GLI1: variants seen among roughly 807,000 people sequenced by gnomAD.
GLI1 encodes GLI family zinc finger 1, also known as transcription activator GLI1.
GLI1 carries 51 observed loss-of-function variants against 87.8 expected under a neutral mutation model. The ratio of observed to expected loss-of-function variants is 0.58; its 90% CI spans 0.46 to 0.73. The LOEUF (loss-of-function observed/expected upper bound fraction) is 0.73, where lower values mean the gene tolerates loss of function less well. GLI1 is among the 30% of genes least tolerant of loss of function. The pLI, the probability that GLI1 is intolerant of heterozygous loss-of-function variation, is 0.00. For missense variants in GLI1, 1,292 were observed against 1,437.2 expected (o/e 0.90, Z 1.63); for synonymous variants, 528 against 558.2 (o/e 0.95, Z 0.76).
chr12:57,468,481 T>TTC (rs544598411), intron 10 of GLI1, among the ~76,000 whole-genome samples: 3 of 151,488 alleles, frequency 2.0e-5, no homozygotes, highest in Non-Finnish European at 2.9e-5. Flanking sequence ...CTTTCTTTCT[T>TTC]TCTCTCTCTC....
At chr12:57,467,643 A>C (rs1871586045) in intron 9 of GLI1, 146 bp downstream of exon 9, 4 of 693,936 alleles carry the variant, frequency 5.8e-6, no homozygotes, top group Non-Finnish European at 9.6e-6. Flanking sequence ...GCTTTTCTGA[A>C]ACCCAGAATT....
chr12:57,468,092 T>C lies in GLI1; in HGVS notation c.1176T>C (p.His392=), dbSNP rs1225149370. 1.9e-6 allele frequency: 3 copies of C among 1,614,148 alleles called. No individual in the cohort carries two copies. The highest frequency in any genetic ancestry group is 1.3e-5 in the African/African-American group (1 of 75,048). Residue 392 remains histidine, a synonymous_variant, in exon 10 of 12, where the codon CAT becomes CAC. Coordinates refer to ENST00000228682, the MANE Select transcript of GLI1 (RefSeq NM_005269.3). ...HVKTVHGPDA[H]VTKRHRGDGP... The stretch of plus-strand genomic sequence containing the variant: ...AGACAGTGCATGGTCCTGACGCCCA[T>C]GTGACCAAACGGCACCGTGGGGATG...
In GLI1 at chr12:57,471,529, T is replaced by A. The variant is rs1051088256; in HGVS notation, c.2789T>A (p.Phe930Tyr). 6.2e-7 allele frequency: 1 copy of A among 1,612,676 alleles called. No homozygotes were observed. The highest frequency in any genetic ancestry group is 1.7e-5 in the Admixed American group (1 of 59,752). Residue 930 changes from phenylalanine (F) to tyrosine (Y), a missense_variant, in exon 12 of 12, where the codon TTT (phenylalanine) becomes TAT (tyrosine). Phe to Tyr is a conservative substitution (Grantham distance 22). Coordinates refer to ENST00000228682, the MANE Select transcript of GLI1 (RefSeq NM_005269.3). This position sits in a 1 kb window ranked among gnomAD's most constrained non-coding sequence, Gnocchi z 4.9. ...GAACCTTCCTACCAGAGTCCCAAGT[T>A]TCTGGGGGGTTCCCAGGTTAGCCCA... Reference protein sequence around the residue: ...AQEPSYQSPKFLGGSQVSPSR... With the variant: ...AQEPSYQSPKYLGGSQVSPSR...
At position 57,470,509 on chromosome 12, in the gene GLI1, G is replaced by A. The variant is rs199642258; in HGVS notation, c.1769G>A (p.Arg590Gln). ...GLMPAQHYLLRARYASARGGG... is the reference protein window; with the variant it reads ...GLMPAQHYLLQARYASARGGG... ...ATGCCTGCCCAGCACTACCTGCTTC[G>A]GGCAAGATATGCTTCAGCCAGAGGG... The change falls in exon 12 of 12, where the codon CGG becomes CAG. Residue 590 changes from arginine (R) to glutamine (Q), a missense_variant. By Grantham distance (43) the Arg-to-Gln change is conservative. Coordinates refer to ENST00000228682, the MANE Select transcript of GLI1 (RefSeq NM_005269.3). The A allele has an allele frequency of 1.3e-5, 21 of 1,613,942 alleles. No homozygotes were observed. The highest frequency in any genetic ancestry group is 5.3e-5 in the African/African-American group (4 of 75,046).
intron 1 of GLI1, among the ~76,000 whole-genome samples, chr12:57,462,899 AG>A (rs1450265155): frequency 6.6e-6 from 1 of 152,196 alleles, no homozygotes; most frequent in Non-Finnish European, 1.5e-5. Flanking sequence ...ACGAGAAGGA[AG>A]GGGGAACGGG....
rs768924234 is a variant in GLI1 at position 57,464,090 on chromosome 12, G to A, written c.192G>A (p.Glu64=). ...GPARETNSCT[E]GPLFSSPRSA... is the part of the protein sequence containing the mutation. ...CCAGAGAGACCAACAGCTGCACCGAGGGTGAGGGCTCAGGCAACACCTCTT... is the reference window on the plus strand; with the variant it reads ...CCAGAGAGACCAACAGCTGCACCGAAGGTGAGGGCTCAGGCAACACCTCTT... Residue 64 remains glutamate, a splice_region_variant and synonymous_variant, in exon 3 of 12, where the codon GAG becomes GAA. Coordinates refer to ENST00000228682, the MANE Select transcript of GLI1 (RefSeq NM_005269.3). 1.3e-6 allele frequency: 2 copies of A among 1,593,396 alleles called. No individual in the cohort carries two copies. Among genetic ancestry groups the A allele is most frequent in the South Asian group, 1.1e-5 (1 of 90,680 alleles).
intron 1 of GLI1, among the ~76,000 whole-genome samples, chr12:57,462,738 C>T (rs185917880): frequency 6.6e-6 from 1 of 152,314 alleles, no homozygotes; most frequent in Non-Finnish European, 1.5e-5. Context: ...CCTCAGGAAC[C>T]TTACCTCCTC....
intron 3 of GLI1, among the ~76,000 whole-genome samples, 153 bp downstream of exon 3, chr12:57,464,244 C>T (rs1000076683): frequency 2.0e-5 from 3 of 152,186 alleles, no homozygotes; most frequent in Admixed American, 6.5e-5. Context: ...TGGGGCCGGG[C>T]GCGGTGGCTC....
In GLI1 at chr12:57,471,229, C is replaced by T; in HGVS notation, c.2489C>T (p.Ala830Val). 6.2e-7 allele frequency: 1 copy of T among 1,604,106 alleles called. No homozygotes were observed. Among genetic ancestry groups the T allele is most frequent in the East Asian group, 2.2e-5 (1 of 44,834 alleles). The change falls in exon 12 of 12, where the codon GCA (alanine) becomes GTA (valine). Residue 830 changes from alanine (A) to valine (V), a missense_variant. Around this residue, in one of 3 missense-constraint regions of GLI1, gnomAD observed 897 missense variants for 1,040.7 expected, o/e 0.86. Transcript: ENST00000228682. This position sits in a 1 kb window ranked among gnomAD's most constrained non-coding sequence, Gnocchi z 4.9. ...CPVGSDSTGL[A>V]PCLNAHPSEG... ...GTGGGGTCTGACTCCACAGGACTGG[C>T]ACCCTGCCTCAATGCCCACCCCAGT...
chr12:57,471,480 G>T lies in GLI1; in HGVS notation c.2740G>T (p.Gly914Cys). The change falls in exon 12 of 12, where the codon GGC becomes TGC. Residue 914 changes from glycine to cysteine, a missense_variant. Gly to Cys is a radical substitution (Grantham distance 159). Coordinates refer to ENST00000228682, the MANE Select transcript of GLI1 (RefSeq NM_005269.3). The surrounding 1 kb of genome is among the most constrained non-coding windows in gnomAD (Gnocchi z 4.9). ...ACAGGAGCTACTGTGGGAGGGTGGG[G>T]GCAGGGAAGATGCCCCCGCCCAGGA... is the stretch of plus-strand genomic sequence containing the variant. Reference protein sequence around the residue: ...SQQELLWEGGGREDAPAQEPS... With the variant: ...SQQELLWEGGCREDAPAQEPS... The T allele has an allele frequency of 6.2e-7, 1 of 1,612,196 alleles. No homozygotes were observed. Among genetic ancestry groups the T allele is most frequent in the Non-Finnish European group, 8.5e-7 (1 of 1,179,056 alleles).
chr12:57,467,272 T>C, intron 8 of GLI1, 61 bp from the exon 9 acceptor site: 1 of 1,342,382 alleles, frequency 7.4e-7, no homozygotes, highest in Non-Finnish European at 1.0e-6. Context: ...AGATTGAGGG[T>C]TCCTTCCATC....
Position 57,465,679 on chromosome 12 carries a change from A to G in GLI1, c.607A>G (p.Asn203Asp). ...EPLEGDMSSP[N>D]STGIQDPLLG... Reference sequence around the variant, plus strand: ...CTTGGAAGGTGATATGTCCAGCCCCAACTCCACAGGCATACAGGTAAGGGG... The same window carrying G: ...CTTGGAAGGTGATATGTCCAGCCCCGACTCCACAGGCATACAGGTAAGGGG... The change falls in exon 6 of 12, where the codon AAC becomes GAC. Residue 203 changes from asparagine to aspartate, a missense_variant. Physicochemically the swap from Asn to Asp is conservative, Grantham distance 23. Around this residue, in one of 3 missense-constraint regions of GLI1, gnomAD observed 383 missense variants for 368.4 expected, o/e 1.04. Coordinates refer to ENST00000228682, the MANE Select transcript of GLI1 (RefSeq NM_005269.3). 6.2e-7 allele frequency: 1 copy of G among 1,614,108 alleles called. No homozygotes were observed. The highest frequency in any genetic ancestry group is 8.5e-7 in the Non-Finnish European group (1 of 1,179,934).
At chr12:57,467,559 C>T in intron 9 of GLI1, 62 bp downstream of exon 9, 1 of 1,375,386 alleles carries the variant, frequency 7.3e-7, no homozygotes, top group Non-Finnish European at 1.0e-6. Flanking sequence ...GAGATTCCCC[C>T]ATAAGAAATC....
In GLI1 at chr12:57,472,241, G is replaced by C. The variant is rs1872082108; in HGVS notation, c.*180G>C. 6 of 596,036 alleles carry C rather than the reference G, an allele frequency of 1.0e-5. No homozygotes were observed. The Admixed American group carries it at 1.0e-4, about 10-fold the overall frequency. The allele number at this position is 596,036 out of a possible 1,614,324, so 36.9% of individuals were successfully genotyped here. ...AAATTTGATAATGACACTGTTTCCT[G>C]ATAATAAAGGAACTGCATCAGAAAA... On this transcript the variant is annotated 3_prime_UTR_variant, in exon 12 of 12. Coordinates refer to ENST00000228682, the MANE Select transcript of GLI1 (RefSeq NM_005269.3).
At position 57,464,043 on chromosome 12, in the gene GLI1, G is replaced by A. The variant is rs537495636; in HGVS notation, c.145G>A (p.Gly49Ser). 20 of 1,613,906 alleles carry A rather than the reference G, an allele frequency of 1.2e-5. No individual in the cohort carries two copies. In the African/African-American group the frequency reaches 1.6e-4, roughly 13 times the overall value. ...PFCHQANLMS[G>S]PHSYGPARET... is the part of the protein sequence containing the mutation. ...CTGCCACCAAGCTAACCTCATGTCC[G>A]GCCCCCACAGTTATGGGCCAGCCAG... Residue 49 changes from glycine to serine, a missense_variant, in exon 3 of 12, where the codon GGC becomes AGC. Physicochemically the swap from Gly to Ser is moderately conservative, Grantham distance 56. This residue lies in a region of GLI1 where 383 missense variants were observed against 368.4 expected (regional missense o/e 1.04). Transcript: ENST00000228682.
rs1387903869 is a variant in GLI1, at chr12:57,466,396, C to T, written c.912+7C>T. 8.1e-6 allele frequency: 13 copies of T among 1,606,268 alleles called. No homozygotes were observed. The South Asian group carries it at 8.9e-5, about 11-fold the overall frequency. On this transcript the variant is annotated splice_region_variant and intron_variant, in intron 8 of 11. Transcript: ENST00000228682. ...GAAGCCACACAAGTGCACGGTGAGG[C>T]ACCAGTGTCCCAAGTCCAGGGTCTC... is the stretch of plus-strand genomic sequence containing the variant.
rs1169328437 is a variant in GLI1, at chr12:57,470,534, G to A, written c.1794G>A (p.Gly598=). ...LLRARYASAR[G]GGTSPTAASS... Reference sequence around the variant, plus strand: ...GGGCAAGATATGCTTCAGCCAGAGGGGGTGGTACTTCGCCCACTGCAGCAT... The same window carrying A: ...GGGCAAGATATGCTTCAGCCAGAGGAGGTGGTACTTCGCCCACTGCAGCAT... The change falls in exon 12 of 12, where the codon GGG becomes GGA. Residue 598 remains glycine (G), a synonymous_variant. Transcript: ENST00000228682. The A allele has an allele frequency of 6.2e-7, 1 of 1,614,084 alleles. No individual in the cohort carries two copies. Among genetic ancestry groups the A allele is most frequent in the Non-Finnish European group, 8.5e-7 (1 of 1,179,974 alleles).
chr12:57,465,531 A>C, intron 5 of GLI1, 76 bp from the exon 6 acceptor site: 1 of 1,219,578 alleles, frequency 8.2e-7, no homozygotes, highest in Non-Finnish European at 1.2e-6. Flanking sequence ...CACTTAGGGC[A>C]GGAAGACCTG....
intron 1 of GLI1, 45 bp from the exon 2 acceptor site, chr12:57,463,620 A>G (rs1200871538): frequency 4.5e-6 from 4 of 895,166 alleles, no homozygotes; most frequent in Non-Finnish European, 7.5e-6. Context: ...GCTGTCTGAC[A>G]GTCTCTATTT....
Sources: allele counts gnomAD v4.1 joint callset (sites outside exome capture counted in the v4.1 genomes callset), GRCh38; gene constraint gnomAD v4.1.1; regional missense constraint gnomAD v4.1.1; non-coding constraint Gnocchi (gnomAD v3.1); transcripts MANE v1.5; gene names NCBI Gene and HGNC (gene_info 2026-07-23, HGNC 2026-07-21).